The following EBF1 variants were observed in gnomAD, a reference collection of about 807,000 sequenced individuals.
EBF1 encodes EBF transcription factor 1.
EBF1 carries 10 observed loss-of-function variants against 68.4 expected under a neutral mutation model. That is an observed-to-expected ratio of 0.15 (90% confidence interval 0.09 to 0.25). The LOEUF (loss-of-function observed/expected upper bound fraction) is 0.25, where lower values mean the gene tolerates loss of function less well. Among genes scored for constraint, EBF1 ranks in the 10% least tolerant of loss-of-function variants. The pLI is 1.00. For missense variants in EBF1, 509 were observed against 794.4 expected, an observed-to-expected ratio of 0.64 and a Z score of 4.32; for synonymous variants, 298 against 299.8, an observed-to-expected ratio of 0.99 and a Z score of 0.06.
intron 9 of EBF1, among the ~76,000 whole-genome samples, chr5:158,794,809 A>C (rs1406520521): frequency 6.6e-6 from 1 of 152,198 alleles, no homozygotes; most frequent in African/African-American, 2.4e-5. Context: ...GCTGGCAGCA[A>C]AACATGCCAT....
intron 8 of EBF1, among the ~76,000 whole-genome samples, chr5:158,796,682 T>C (rs1779665987): frequency 6.6e-6 from 1 of 152,232 alleles, no homozygotes; most frequent in Non-Finnish European, 1.5e-5. Context: ...TCATTGTTTC[T>C]ATTAAGATAC....
At chr5:158,714,417 A>G (rs115566624) in intron 11 of EBF1, among the ~76,000 whole-genome samples, 1,611 of 152,288 alleles carry the variant, frequency 0.011, 23 homozygotes, top group African/African-American at 0.036. Flanking sequence ...ACATCACTCA[A>G]TAGTCTGCCA....
chr5:159,097,190 AC>A (rs775584876), intron 1 of EBF1, 60 bp from the exon 2 acceptor site: 5 of 1,548,516 alleles, frequency 3.2e-6, no homozygotes, highest in Non-Finnish European at 4.4e-6. Context: ...GCCCCTTGTC[AC>A]CCTGTACACA....
At chr5:158,983,925 T>C (rs1295385313) in intron 6 of EBF1, among the ~76,000 whole-genome samples, 1 of 151,714 alleles carries the variant, frequency 6.6e-6, no homozygotes, top group East Asian at 1.9e-4. Flanking sequence ...TGTGTGTGTG[T>C]GTGTGTGTGT....
chr5:159,056,621 G>A (rs914024112), intron 6 of EBF1, among the ~76,000 whole-genome samples: 4 of 152,154 alleles, frequency 2.6e-5, no homozygotes, highest in African/African-American at 9.7e-5. Context: ...GTTTGAGTAG[G>A]AAGAAATACA....
chr5:158,696,538 T>G lies in EBF1; in HGVS notation c.*2573A>C. On this transcript the variant is annotated 3_prime_UTR_variant, in exon 16 of 16. Transcript: ENST00000313708. ...CACCAGATAAAATATGGCTTTAACT[T>G]GTGTACATCTTCAGGCCAGCGCTTA... is the stretch of plus-strand genomic sequence containing the variant. The G allele has an allele frequency of 4.4e-6, 1 of 224,850 alleles. No individual in the cohort carries two copies. The highest frequency in any genetic ancestry group is 8.9e-6 in the Non-Finnish European group (1 of 112,678). 13.9% of individuals were successfully genotyped at this position (224,850 alleles called of 1,614,324 possible).
intron 8 of EBF1, among the ~76,000 whole-genome samples, chr5:158,817,292 T>C (rs145574705): frequency 3.9e-4 from 60 of 152,300 alleles, no homozygotes; most frequent in African/African-American, 1.3e-3. Context: ...AATAGATGAA[T>C]GGTTCAATGT....
At chr5:158,895,517 G>A (rs556147441) in intron 6 of EBF1, among the ~76,000 whole-genome samples, 12 of 152,202 alleles carry the variant, frequency 7.9e-5, no homozygotes, top group South Asian at 2.1e-4. Flanking sequence ...CACAATAATC[G>A]ATGCCAAATA....
At chr5:158,895,116 G>T (rs1267042014) in intron 6 of EBF1, among the ~76,000 whole-genome samples, 1 of 152,224 alleles carries the variant, frequency 6.6e-6, no homozygotes, top group East Asian at 1.9e-4. Flanking sequence ...CAGCTGAGGA[G>T]AACAGATGAT....
chr5:158,715,389 C>T (rs1245462051), intron 11 of EBF1, among the ~76,000 whole-genome samples: 2 of 152,216 alleles, frequency 1.3e-5, no homozygotes, highest in Non-Finnish European at 2.9e-5. Context: ...CCTTGAACAA[C>T]TCTTGAAATG....
chr5:158,796,899 C>T (rs2127746482), intron 8 of EBF1, among the ~76,000 whole-genome samples: 1 of 152,140 alleles, frequency 6.6e-6, no homozygotes, highest in East Asian at 1.9e-4. Flanking sequence ...CATTACCATC[C>T]AATAGGAAAC....
chr5:158,715,312 A>C (rs1257215177), intron 11 of EBF1, among the ~76,000 whole-genome samples: 1 of 152,252 alleles, frequency 6.6e-6, no homozygotes, highest in African/African-American at 2.4e-5. Context: ...CACAGACTGC[A>C]GTCGCTGATC....
intron 6 of EBF1, among the ~76,000 whole-genome samples, chr5:158,929,918 G>T (rs1225749014): frequency 6.6e-6 from 1 of 152,104 alleles, no homozygotes; most frequent in Non-Finnish European, 1.5e-5. Context: ...CTTTTTTGTT[G>T]TTTGTTCAAT....
intron 7 of EBF1, among the ~76,000 whole-genome samples, chr5:158,839,366 TTTTGTTTG>T (rs551193774): frequency 6.6e-6 from 1 of 152,150 alleles, no homozygotes; most frequent in Non-Finnish European, 1.5e-5. Context: ...CTTTACTGTT[TTTTGTTTG>T]TTTGTTTGTT....
intron 6 of EBF1, among the ~76,000 whole-genome samples, chr5:159,021,287 C>A (rs925398169): frequency 6.6e-6 from 1 of 151,658 alleles, no homozygotes; most frequent in Non-Finnish European, 1.5e-5. Flanking sequence ...GAATCTCCCG[C>A]CAAAAAAAAG....
intron 6 of EBF1, among the ~76,000 whole-genome samples, chr5:158,897,506 A>G (rs1477490798): frequency 6.6e-6 from 1 of 152,132 alleles, no homozygotes; most frequent in African/African-American, 2.4e-5. Flanking sequence ...CTGTACAACA[A>G]ACCCCCATGA....
rs1334044304 is a variant in EBF1 at position 158,850,628 on chromosome 5, T to C, written c.555-10518A>G. Reference sequence around the variant, plus strand: ...TCTTAAAATTAATAATACCATACTATGTGATAAGTGAAATGATGGAGCTAT... The same window carrying C: ...TCTTAAAATTAATAATACCATACTACGTGATAAGTGAAATGATGGAGCTAT... On this transcript the variant is annotated intron_variant, in intron 6 of 15. Transcript: ENST00000313708. Among the ~76,000 whole-genome samples, 6 of 152,314 alleles carry C rather than the reference T, an allele frequency of 3.9e-5. No individual in the cohort carries two copies. In the South Asian group the frequency reaches 1.2e-3, roughly 32 times the overall value.
chr5:158,760,873 G>C (rs1254953987), intron 10 of EBF1, among the ~76,000 whole-genome samples: 1 of 152,040 alleles, frequency 6.6e-6, no homozygotes, highest in Non-Finnish European at 1.5e-5. Context: ...TTTAAACTGG[G>C]AATTCCGGTA....
chr5:158,881,563 A>G (rs190957185), intron 6 of EBF1, among the ~76,000 whole-genome samples: 1 of 152,158 alleles, frequency 6.6e-6, no homozygotes, highest in African/African-American at 2.4e-5. Flanking sequence ...ACAGGTCTGT[A>G]TGTGCTGCGG....
Sources: allele counts gnomAD v4.1 joint callset (sites outside exome capture counted in the v4.1 genomes callset), GRCh38; gene constraint gnomAD v4.1.1; transcripts MANE v1.5; gene names NCBI Gene and HGNC (gene_info 2026-07-23, HGNC 2026-07-21).